IL1RAP: variants seen among roughly 807,000 people sequenced by gnomAD.
IL1RAP encodes the protein interleukin 1 receptor accessory protein, also known as interleukin-1 receptor accessory protein.
In IL1RAP, 35 loss-of-function variants were observed where a neutral mutation model predicts 60.7. The ratio of observed to expected loss-of-function variants is 0.58; its 90% confidence interval spans 0.44 to 0.76. IL1RAP has a LOEUF of 0.76. Ranked by LOEUF, IL1RAP falls within the 30% of genes least tolerant of loss-of-function variation. The pLI is 0.00. For missense variants in IL1RAP, 572 were observed against 693.9 expected (o/e 0.82, Z 1.97); for synonymous variants, 268 against 250.9 (o/e 1.07, Z -0.64).
At position 190,591,802 on chromosome 3, in the gene IL1RAP, G is replaced by A. The variant is rs937150057; in HGVS notation, c.65-12326G>A. Among the ~76,000 whole-genome samples the A allele has an allele frequency of 2.0e-5, 3 of 152,048 alleles. No homozygotes were observed. The East Asian group carries it at 5.8e-4, about 29-fold the overall frequency. On this transcript the variant is annotated intron_variant, in intron 3 of 11. Coordinates refer to ENST00000447382, the MANE Select transcript of IL1RAP (RefSeq NM_002182.4). ...AATCATGGATTAGAAAAGATAGCTT[G>A]GAGGGAAAAAAACCCCCACAAAAAC...
At chr3:190,588,228 C>A (rs1210323188) in intron 3 of IL1RAP, among the ~76,000 whole-genome samples, 2 of 152,232 alleles carry the variant, frequency 1.3e-5, no homozygotes, top group Admixed American at 6.5e-5. Flanking sequence ...ATTCTCCTGC[C>A]TCAGCCTCCT....
intron 5 of IL1RAP, among the ~76,000 whole-genome samples, chr3:190,611,685 C>T (rs1367334041): frequency 6.6e-6 from 1 of 152,148 alleles, no homozygotes; most frequent in African/African-American, 2.4e-5. Flanking sequence ...GAGGGACTGG[C>T]AAAGTTCCTG....
intron 3 of IL1RAP, among the ~76,000 whole-genome samples, chr3:190,575,353 C>T (rs757394207): frequency 9.2e-5 from 14 of 152,160 alleles, no homozygotes. Flanking sequence ...TCATGAAATT[C>T]ACAGTCTTGG....
chr3:190,517,013 A>C (rs1721583253), intron 1 of IL1RAP, among the ~76,000 whole-genome samples: 1 of 152,190 alleles, frequency 6.6e-6, no homozygotes. Flanking sequence ...TTAACAATTT[A>C]CTTCAGTTAT....
chr3:190,532,681 C>T (rs1173155417), intron 1 of IL1RAP, among the ~76,000 whole-genome samples: 1 of 152,164 alleles, frequency 6.6e-6, no homozygotes, highest in Non-Finnish European at 1.5e-5. Flanking sequence ...CATGATGAAA[C>T]CCCGTGCTTT....
At chr3:190,537,823 G>A (rs181141394) in intron 1 of IL1RAP, among the ~76,000 whole-genome samples, 16 of 152,070 alleles carry the variant, frequency 1.1e-4, no homozygotes, top group African/African-American at 3.9e-4. Flanking sequence ...AGACGTATAC[G>A]ATTTCTCCAT....
chr3:190,591,012 G>C (rs1476613480), intron 3 of IL1RAP, among the ~76,000 whole-genome samples: 1 of 152,156 alleles, frequency 6.6e-6, no homozygotes, highest in Non-Finnish European at 1.5e-5. Flanking sequence ...TGCAGAATGA[G>C]AAGAATTTTT....
intron 3 of IL1RAP, among the ~76,000 whole-genome samples, chr3:190,603,210 G>A (rs1332101075): frequency 6.6e-6 from 1 of 152,158 alleles, no homozygotes; most frequent in Admixed American, 6.5e-5. Context: ...AACTAGGGCT[G>A]TTTTTGCAGA....
intron 3 of IL1RAP, among the ~76,000 whole-genome samples, chr3:190,568,756 T>C (rs1209124566): frequency 6.6e-6 from 1 of 152,190 alleles, no homozygotes; most frequent in Non-Finnish European, 1.5e-5. Flanking sequence ...GAAGGAACAC[T>C]ATGCATCATG....
chr3:190,591,006 G>C (rs1262053850), intron 3 of IL1RAP, among the ~76,000 whole-genome samples: 2 of 152,116 alleles, frequency 1.3e-5, no homozygotes, highest in Non-Finnish European at 2.9e-5. Context: ...CTCATTTGCA[G>C]AATGAGAAGA....
Position 190,534,473 on chromosome 3 carries a change from C to T in IL1RAP, c.-89+20254C>T, listed in dbSNP as rs181535338. ...TAGCTGTAGGGACTCCTTAGAGATC[C>T]GATCCAGTGCTGCCTATAGGACCTT... is the stretch of plus-strand genomic sequence containing the variant. On this transcript the variant is annotated intron_variant, in intron 1 of 11. Transcript: ENST00000447382. Among the ~76,000 whole-genome samples, 255 of 152,214 alleles carry T rather than the reference C, an allele frequency of 1.7e-3. 4 individuals are homozygous for T. Among genetic ancestry groups the T allele is most frequent in the Admixed American group, 0.014 (216 of 15,294 alleles).
intron 5 of IL1RAP, among the ~76,000 whole-genome samples, chr3:190,619,126 TA>T (rs1485806607): frequency 6.6e-6 from 1 of 152,206 alleles, no homozygotes; most frequent in East Asian, 1.9e-4. Flanking sequence ...TATTGATATT[TA>T]AAAGAAAAAC....
At chr3:190,525,056 A>C (rs1388147990) in intron 1 of IL1RAP, among the ~76,000 whole-genome samples, 3 of 152,182 alleles carry the variant, frequency 2.0e-5, no homozygotes, top group African/African-American at 7.2e-5. Flanking sequence ...CTATATATTT[A>C]GGAGTTTTTC....
chr3:190,517,019 G>A (rs1203611903), intron 1 of IL1RAP, among the ~76,000 whole-genome samples: 1 of 152,190 alleles, frequency 6.6e-6, no homozygotes, highest in Admixed American at 6.5e-5. Flanking sequence ...ATTTACTTCA[G>A]TTATAAAGTT....
intron 3 of IL1RAP, among the ~76,000 whole-genome samples, chr3:190,582,476 C>T (rs1047852276): frequency 8.5e-5 from 13 of 152,092 alleles, no homozygotes; most frequent in African/African-American, 2.4e-4. Flanking sequence ...TGCGCCACCA[C>T]CCAGGCTAAT....
chr3:190,514,595 C>T (rs1047368807), intron 1 of IL1RAP, among the ~76,000 whole-genome samples: 1 of 151,732 alleles, frequency 6.6e-6, no homozygotes, highest in Non-Finnish European at 1.5e-5. Flanking sequence ...CTGGAAGCGC[C>T]GAGGACAGAA....
intron 3 of IL1RAP, among the ~76,000 whole-genome samples, chr3:190,587,491 A>C (rs1728566113): frequency 6.6e-6 from 1 of 152,190 alleles, no homozygotes; most frequent in Non-Finnish European, 1.5e-5. Flanking sequence ...ACACTGGCAG[A>C]ATTAGGACAA....
At chr3:190,532,293 T>C (rs1723054049) in intron 1 of IL1RAP, among the ~76,000 whole-genome samples, 3 of 149,480 alleles carry the variant, frequency 2.0e-5, no homozygotes, top group Non-Finnish European at 4.4e-5. Context: ...GATGGAGCCT[T>C]GCTCTGTCGC....
chr3:190,597,424 A>T (rs898317502), intron 3 of IL1RAP, among the ~76,000 whole-genome samples: 3 of 152,214 alleles, frequency 2.0e-5, no homozygotes, highest in African/African-American at 7.2e-5. Flanking sequence ...CAGCCGCTTG[A>T]AAGTCAAGTG....
Sources: gnomAD v4.1 joint callset for allele counts (sites outside exome capture counted in the v4.1 genomes callset) on GRCh38, gnomAD v4.1.1 for gene constraint, MANE v1.5 for transcripts, NCBI Gene and HGNC (gene_info 2026-07-23, HGNC 2026-07-21) for gene names.